ATP10B: variants seen among roughly 807,000 people sequenced by gnomAD.
The protein encoded by ATP10B is phospholipid-transporting ATPase VB.
In ATP10B, 122 loss-of-function variants were observed where a neutral mutation model predicts 141.2. The ratio of observed to expected loss-of-function variants is 0.86; its 90% CI spans 0.75 to 1.00. The LOEUF (loss-of-function observed/expected upper bound fraction) is 1.00. ATP10B is among the 50% of genes least tolerant of loss of function. ATP10B has a pLI of 0.00. For missense variants in ATP10B, 1,876 were observed against 1,825.3 expected (o/e 1.03, Z -0.51); for synonymous variants, 685 against 692.0 (o/e 0.99, Z 0.16).
upstream of ATP10B, among the ~76,000 whole-genome samples, chr5:160,856,488 C>T (rs556131944): frequency 1.2e-3 from 175 of 151,786 alleles, 2 homozygotes; most frequent in Admixed American, 1.4e-3. Flanking sequence ...ATATGTATGC[C>T]TATTATTTTA....
chr5:160,791,657 G>T (rs1242797111), intron 1 of ATP10B, among the ~76,000 whole-genome samples: 2 of 152,280 alleles, frequency 1.3e-5, no homozygotes, highest in African/African-American at 2.4e-5. Flanking sequence ...GCAGCAGGAT[G>T]AAGAAAGTGC....
At chr5:160,720,050 AACT>A (rs2127780910) in intron 2 of ATP10B, among the ~76,000 whole-genome samples, 1 of 152,334 alleles carries the variant, frequency 6.6e-6, no homozygotes, top group East Asian at 1.9e-4. Flanking sequence ...AATGTCCTGT[AACT>A]CCTCCCAAGG....
At chr5:160,786,343 A>C (rs1016597709) in intron 1 of ATP10B, among the ~76,000 whole-genome samples, 8 of 152,102 alleles carry the variant, frequency 5.3e-5, no homozygotes, top group Non-Finnish European at 1.0e-4. Flanking sequence ...CTATGATTGA[A>C]CTTTTCACTT....
chr5:160,722,796 C>CA (rs2127783527), intron 2 of ATP10B, among the ~76,000 whole-genome samples: 1 of 152,298 alleles, frequency 6.6e-6, no homozygotes, highest in Admixed American at 6.5e-5. Flanking sequence ...CAGCCATGCA[C>CA]AGCAAGCCAA....
chr5:160,901,526 G>A, the ATP10B span, among the ~76,000 whole-genome samples: 1 of 152,070 alleles, frequency 6.6e-6, no homozygotes, highest in Non-Finnish European at 1.5e-5. Flanking sequence ...TAGCTTATGG[G>A]GAAAGGGCAA....
chr5:160,664,660 C>G (rs550451431), intron 7 of ATP10B, among the ~76,000 whole-genome samples: 102 of 152,306 alleles, frequency 6.7e-4, no homozygotes, highest in Non-Finnish European at 1.2e-3. Context: ...GCATTTCTGA[C>G]AAGCTCTCAG....
rs903017210 is a variant in ATP10B at position 160,743,110 on chromosome 5, T to C, written c.-330-26076A>G. 5.3e-5 allele frequency among the ~76,000 whole-genome samples: 8 copies of C among 152,334 alleles called. No individual in the cohort carries two copies. The South Asian group carries it at 1.7e-3, about 32-fold the overall frequency. ...TTATTAAATCTTCACCACAACCCTATGGGACTGGCATTATCGCTGCCCCAT... is the reference window on the plus strand; with the variant it reads ...TTATTAAATCTTCACCACAACCCTACGGGACTGGCATTATCGCTGCCCCAT... On this transcript the variant is annotated intron_variant, in intron 2 of 25. Coordinates refer to ENST00000327245, the MANE Select transcript of ATP10B (RefSeq NM_025153.3).
Position 160,565,001 on chromosome 5 carries a change from TG to T in ATP10B, c.*451del, listed in dbSNP as rs1754446767. 1 of 161,682 alleles carries T rather than the reference TG, an allele frequency of 6.2e-6. No homozygotes were observed. The highest frequency in any genetic ancestry group is 1.4e-5 in the Non-Finnish European group (1 of 73,802). The allele number at this position is 161,682 out of a possible 1,614,324, so 10.0% of individuals were successfully genotyped here. ...CAATACACTTGAGATGAAGCCCTTA[TG>T]TGCACAAGTCTCTTCTGAAACTTTA... On this transcript the variant is annotated 3_prime_UTR_variant, in exon 26 of 26. Coordinates refer to ENST00000327245, the MANE Select transcript of ATP10B (RefSeq NM_025153.3).
chr5:160,592,495 C>T (rs10057604), intron 22 of ATP10B, among the ~76,000 whole-genome samples: 2,917 of 152,236 alleles, frequency 0.019, 87 homozygotes, highest in African/African-American at 0.064. Flanking sequence ...ACACAGAAGA[C>T]GGGTGATTTC....
the ATP10B span, among the ~76,000 whole-genome samples, chr5:160,902,455 T>C: frequency 2.0e-5 from 3 of 152,080 alleles, no homozygotes; most frequent in African/African-American, 7.2e-5. Context: ...CTCAGCAACA[T>C]GAGAGATTTT....
At chr5:160,884,085 A>G in the ATP10B span, among the ~76,000 whole-genome samples, 6 of 152,340 alleles carry the variant, frequency 3.9e-5, no homozygotes, top group East Asian at 1.2e-3. Context: ...ATATTGTTAA[A>G]TAAGTATAAT....
chr5:160,659,206 C>T (rs1761721886), intron 7 of ATP10B, among the ~76,000 whole-genome samples: 1 of 152,194 alleles, frequency 6.6e-6, no homozygotes, highest in Non-Finnish European at 1.5e-5. Flanking sequence ...TGGCTCACGC[C>T]TGTAATCCCA....
intron 1 of ATP10B, among the ~76,000 whole-genome samples, chr5:160,814,700 G>A (rs1438722371): frequency 6.6e-6 from 1 of 152,076 alleles, no homozygotes; most frequent in East Asian, 1.9e-4. Context: ...CACCAAAGTT[G>A]AAATGAAGGA....
rs781325179 is a variant in ATP10B at position 160,617,970 on chromosome 5, G to C, written c.2420C>G (p.Pro807Arg). 6.2e-7 allele frequency: 1 copy of C among 1,613,620 alleles called. No individual in the cohort carries two copies. The highest frequency in any genetic ancestry group is 8.5e-7 in the Non-Finnish European group (1 of 1,179,562). ...MDLLEDPACV[P>R]DINMEKKLRK... ...CAGCTTCTTTTCCATATTAATGTCA[G>C]GTACTGTCAAATAGCCATTTTCCCG... The change falls in exon 16 of 26, where the codon CCT becomes CGT. Residue 807 changes from proline (P) to arginine (R), a missense_variant. Transcript: ENST00000327245.
intron 1 of ATP10B, among the ~76,000 whole-genome samples, chr5:160,817,049 C>T (rs1773689101): frequency 6.6e-6 from 1 of 152,190 alleles, no homozygotes; most frequent in South Asian, 2.1e-4. Flanking sequence ...CAATATCATA[C>T]TGAATGGGCA....
intron 1 of ATP10B, among the ~76,000 whole-genome samples, chr5:160,812,974 A>G (rs1237269285): frequency 6.6e-6 from 1 of 152,256 alleles, no homozygotes; most frequent in Non-Finnish European, 1.5e-5. Flanking sequence ...AACTTATGAA[A>G]GTCAATAATA....
At chr5:160,825,919 T>G (rs1351818684) in intron 1 of ATP10B, among the ~76,000 whole-genome samples, 2 of 152,226 alleles carry the variant, frequency 1.3e-5, no homozygotes, top group Non-Finnish European at 2.9e-5. Context: ...TTTGTTGTTT[T>G]GCTCCTGAGT....
At chr5:160,856,401 A>T (rs1753999903), upstream of ATP10B, among the ~76,000 whole-genome samples, 1 of 151,862 alleles carries the variant, frequency 6.6e-6, no homozygotes, top group Non-Finnish European at 1.5e-5. Flanking sequence ...CTAGGAGTAT[A>T]TTGTAGATTC....
rs1436436156 is a variant in ATP10B at position 160,617,743 on chromosome 5, CT to C, written c.2526+120del. On this transcript the variant is annotated intron_variant, in intron 16 of 25. Transcript: ENST00000327245. ...GGGTTTTTGTGGCAAGTCAGAACAG[CT>C]AATCTTGAAAATGTTAAAACAACCA... is the stretch of plus-strand genomic sequence containing the variant. 3.4e-6 allele frequency: 3 copies of C among 875,896 alleles called. No homozygotes were observed. The East Asian group carries it at 7.7e-5, about 23-fold the overall frequency. 54.3% of individuals were successfully genotyped at this position (875,896 alleles called of 1,614,324 possible).
Sources: allele counts gnomAD v4.1 joint callset (sites outside exome capture counted in the v4.1 genomes callset), GRCh38; gene constraint gnomAD v4.1.1; transcripts MANE v1.5; gene names NCBI Gene and HGNC (gene_info 2026-07-23, HGNC 2026-07-21).